Variants in ATP6V1A observed in about 807,000 individuals in gnomAD.
ATP6V1A encodes the protein ATPase H+ transporting V1 subunit A, also known as V-type proton ATPase catalytic subunit A.
ATP6V1A carries 18 observed loss-of-function variants against 70.1 expected under a neutral mutation model. That is an observed-to-expected ratio of 0.26 (90% CI 0.18 to 0.38). ATP6V1A has a LOEUF of 0.38. Among genes scored for constraint, ATP6V1A ranks in the 10% least tolerant of loss-of-function variants. The pLI, the probability that ATP6V1A is intolerant of heterozygous loss-of-function variation, is 1.00. For synonymous variants in ATP6V1A, 232 were observed against 253.8 expected (o/e 0.91, Z 0.82); for missense variants, 424 against 772.4 (o/e 0.55, Z 5.35).
At chr3:113,779,875 T>C (rs1033088409) in intron 2 of ATP6V1A, among the ~76,000 whole-genome samples, 13 of 152,178 alleles carry the variant, frequency 8.5e-5, no homozygotes, top group Non-Finnish European at 1.6e-4. Flanking sequence ...TAAATTTTAC[T>C]TTAAGTTCTG....
intron 1 of ATP6V1A, among the ~76,000 whole-genome samples, chr3:113,753,009 C>T (rs1034021606): frequency 2.6e-5 from 4 of 151,824 alleles, no homozygotes; most frequent in Admixed American, 6.6e-5. Context: ...TGCATGGAAA[C>T]GAAGGATTCT....
At chr3:113,766,347 G>A (rs1356289625) in intron 1 of ATP6V1A, among the ~76,000 whole-genome samples, 1 of 152,076 alleles carries the variant, frequency 6.6e-6, no homozygotes, top group Non-Finnish European at 1.5e-5. Context: ...CCAGGCTGGA[G>A]TGCAGCAGTG....
rs190979171 is a variant in ATP6V1A at position 113,762,220 on chromosome 3, T to C, written c.-14+15107T>C. On this transcript the variant is annotated intron_variant, in intron 1 of 14. Transcript: ENST00000273398. The stretch of plus-strand genomic sequence containing the variant: ...TAAAGTAGTCATACAGTTTCTAGTT[T>C]GACTTCTTTTGAAGGTGATAATTTT... Among the ~76,000 whole-genome samples the C allele has an allele frequency of 1.1e-3, 167 of 146,054 alleles. 3 individuals are homozygous for C. The highest frequency in any genetic ancestry group is 3.9e-3 in the African/African-American group (155 of 39,398).
At chr3:113,781,290 G>A (rs557054992) in intron 3 of ATP6V1A, 112 bp downstream of exon 3, 3 of 1,229,878 alleles carry the variant, frequency 2.4e-6, no homozygotes, top group East Asian at 3.2e-5. Context: ...AGGCAGGCAG[G>A]TGGATCACCT....
At chr3:113,754,458 G>A (rs933620285) in intron 1 of ATP6V1A, among the ~76,000 whole-genome samples, 6 of 152,000 alleles carry the variant, frequency 3.9e-5, no homozygotes, top group African/African-American at 1.2e-4. Context: ...ACTTGATCCC[G>A]GGGCATTCAA....
chr3:113,756,731 A>G (rs1708650684), intron 1 of ATP6V1A, among the ~76,000 whole-genome samples: 1 of 152,220 alleles, frequency 6.6e-6, no homozygotes, highest in Admixed American at 6.5e-5. Context: ...GTTTGAATAG[A>G]TATTGTTGAA....
rs985275868 is a variant in ATP6V1A, at chr3:113,809,570, G to GT, written c.*150dup. ...GCCTATGTGTGTTATTTGTTTCCCT[G>GT]TTTTTTTGGTAGGTCTTATATAAAA... On this transcript the variant is annotated 3_prime_UTR_variant, in exon 15 of 15. Coordinates refer to ENST00000273398, the MANE Select transcript of ATP6V1A (RefSeq NM_001690.4). 4.4e-6 allele frequency: 3 copies of GT among 676,822 alleles called. No individual in the cohort carries two copies. Among genetic ancestry groups the GT allele is most frequent in the South Asian group, 2.1e-5 (1 of 47,898 alleles). The allele number at this position is 676,822 out of a possible 1,614,324, so 41.9% of individuals were successfully genotyped here.
At chr3:113,781,408 T>C (rs1357303497) in intron 3 of ATP6V1A, among the ~76,000 whole-genome samples, 2 of 151,970 alleles carry the variant, frequency 1.3e-5, no homozygotes, top group African/African-American at 4.8e-5. Flanking sequence ...TCCCAGCCGC[T>C]TGGGAGGCTG....
chr3:113,797,814 C>T (rs1050885981), intron 11 of ATP6V1A, among the ~76,000 whole-genome samples: 10 of 151,862 alleles, frequency 6.6e-5, no homozygotes, highest in African/African-American at 4.8e-5. Flanking sequence ...TATACTAAAA[C>T]GATGTATAAT....
At chr3:113,751,396 G>GA (rs1053125892) in intron 1 of ATP6V1A, among the ~76,000 whole-genome samples, 10 of 147,638 alleles carry the variant, frequency 6.8e-5, no homozygotes, top group South Asian at 2.1e-4. Flanking sequence ...CTTTATTCCT[G>GA]AAAAAAAAAA....
intron 14 of ATP6V1A, among the ~76,000 whole-genome samples, chr3:113,807,984 GC>G (rs1316279909): frequency 6.6e-6 from 1 of 151,928 alleles, no homozygotes; most frequent in Non-Finnish European, 1.5e-5. Flanking sequence ...TACAGAATTA[GC>G]TGGGCGTGAT....
chr3:113,794,467 GT>G (rs1709131238), intron 8 of ATP6V1A, among the ~76,000 whole-genome samples: 1 of 152,138 alleles, frequency 6.6e-6, no homozygotes, highest in African/African-American at 2.4e-5. Context: ...TTTATTTCAA[GT>G]GTTCAGGGCA....
intron 11 of ATP6V1A, among the ~76,000 whole-genome samples, chr3:113,797,612 G>A (rs946939926): frequency 2.6e-5 from 4 of 151,948 alleles, no homozygotes; most frequent in African/African-American, 9.7e-5. Context: ...AACCTTTTCT[G>A]GTTCTATTGT....
chr3:113,803,684 T>C lies in ATP6V1A; in HGVS notation c.1589+7T>C. 6.3e-7 allele frequency: 1 copy of C among 1,574,836 alleles called. No individual in the cohort carries two copies. The highest frequency in any genetic ancestry group is 8.7e-7 in the Non-Finnish European group (1 of 1,152,722). ...GATATACTCCTTATGACAGGTAAGC[T>C]ATATTGATTTCCTTTTTTTATTTGA... is the stretch of plus-strand genomic sequence containing the variant. On this transcript the variant is annotated splice_region_variant and intron_variant, in intron 13 of 14. Transcript: ENST00000273398.
At chr3:113,776,301 T>A (rs1358906559) in intron 1 of ATP6V1A, among the ~76,000 whole-genome samples, 2 of 151,980 alleles carry the variant, frequency 1.3e-5, no homozygotes, top group Non-Finnish European at 2.9e-5. Flanking sequence ...GCCCAGGAGG[T>A]CAAGGCTGCA....
chr3:113,798,081 C>T lies in ATP6V1A; in HGVS notation c.1291-162C>T, dbSNP rs544704858. Among the ~76,000 whole-genome samples the T allele has an allele frequency of 2.0e-3, 300 of 152,004 alleles. 1 individual carries two copies. Among genetic ancestry groups the T allele is most frequent in the Non-Finnish European group, 3.5e-3 (238 of 67,966 alleles). ...CCATGAGGTGGAGGTTGTAGTGAGC[C>T]GAGATCATGCCACTGCACTCCAGCC... On this transcript the variant is annotated intron_variant, in intron 11 of 14. Coordinates refer to ENST00000273398, the MANE Select transcript of ATP6V1A (RefSeq NM_001690.4).
rs1045094478 is a variant in ATP6V1A at position 113,788,862 on chromosome 3, G to A, written c.866G>A (p.Arg289Gln). 1.1e-5 allele frequency: 18 copies of A among 1,612,294 alleles called. No homozygotes were observed. Among genetic ancestry groups the A allele is most frequent in the African/African-American group, 2.7e-5 (2 of 74,842 alleles). ...ERGNEMSEVL[R>Q]DFPELTMEVD... ...GGAAATGAGATGTCTGAAGTCCTCC[G>A]GGACTTCCCAGAGGTCTGTATAAAG... The change falls in exon 7 of 15, where the codon CGG becomes CAG. Residue 289 changes from arginine (R) to glutamine (Q), a missense_variant. Arg to Gln is a conservative substitution (Grantham distance 43, BLOSUM62 1). This residue lies in a region of ATP6V1A where 8 missense variants were observed against 41.8 expected (regional missense o/e 0.19). Coordinates refer to ENST00000273398, the MANE Select transcript of ATP6V1A (RefSeq NM_001690.4).
At chr3:113,796,540 A>C (rs1209420893) in intron 11 of ATP6V1A, among the ~76,000 whole-genome samples, 4 of 152,240 alleles carry the variant, frequency 2.6e-5, no homozygotes, top group African/African-American at 9.7e-5. Context: ...GTTTCTGCCT[A>C]AGCATTTGCT....
chr3:113,789,640 TG>T, intron 7 of ATP6V1A, 91 bp from the exon 8 acceptor site: 1 of 890,236 alleles, frequency 1.1e-6, no homozygotes, highest in Non-Finnish European at 1.7e-6. Flanking sequence ...GCATTAAATA[TG>T]GGCAAAAGTT....
Sources: allele counts gnomAD v4.1 joint callset (sites outside exome capture counted in the v4.1 genomes callset), GRCh38; gene constraint gnomAD v4.1.1; regional missense constraint gnomAD v4.1.1; transcripts MANE v1.5; gene names NCBI Gene and HGNC (gene_info 2026-07-23, HGNC 2026-07-21).